The following RIC1 variants were observed in gnomAD, a reference collection of about 807,000 sequenced individuals.
The protein encoded by RIC1 is guanine nucleotide exchange factor subunit RIC1.
RIC1 carries 88 observed loss-of-function variants against 169.0 expected under a neutral mutation model. The observed-to-expected ratio is 0.52, with a 90% CI of 0.44 to 0.62. RIC1 has a LOEUF of 0.62. Among genes scored for constraint, RIC1 ranks in the 20% least tolerant of loss-of-function variants. The pLI, the probability that RIC1 is intolerant of heterozygous loss-of-function variation, is 0.00. For synonymous variants in RIC1, 790 were observed against 601.5 expected (o/e 1.31, Z -4.59); for missense variants, 1,877 against 1,725.5 (o/e 1.09, Z -1.56).
At chr9:5,695,630 T>TGGC (rs1379202956) in intron 3 of RIC1, among the ~76,000 whole-genome samples, 1 of 149,982 alleles carries the variant, frequency 6.7e-6, no homozygotes, top group African/African-American at 2.5e-5. Context: ...TGGAGTGCAG[T>TGGC]GGCGTGATCT....
intron 2 of RIC1, among the ~76,000 whole-genome samples, chr9:5,673,809 T>G (rs540680706): frequency 6.6e-6 from 1 of 152,102 alleles, no homozygotes; most frequent in Admixed American, 6.5e-5. Context: ...TTTATCAGTT[T>G]AAAAATTTAC....
chr9:5,768,934 G>T (rs1212117820), intron 21 of RIC1, 36 bp from the exon 22 acceptor site: 2 of 1,570,502 alleles, frequency 1.3e-6, no homozygotes, highest in African/African-American at 1.4e-5. Context: ...CTCCAGTAAA[G>T]ATTATTCTGT....
intron 1 of RIC1, among the ~76,000 whole-genome samples, chr9:5,631,184 C>G (rs1253409444): frequency 6.6e-6 from 1 of 152,150 alleles, no homozygotes. Context: ...GAGTTACATA[C>G]GACATCTAGA....
rs2131155343 is a variant in RIC1 at position 5,772,835 on chromosome 9, C to T, written c.3795-57C>T. 7 of 1,562,804 alleles carry T rather than the reference C, an allele frequency of 4.5e-6. No homozygotes were observed. In the South Asian group the frequency reaches 8.3e-5, roughly 19 times the overall value. On this transcript the variant is annotated intron_variant, in intron 24 of 25. Transcript: ENST00000414202. ...TACTCTCCTAATAATCATTGCACTT[C>T]TGTACATCTTATAGATCTTTCTTAG...
chr9:5,752,434 GTT>G (rs1220966798), intron 12 of RIC1, among the ~76,000 whole-genome samples: 4 of 149,308 alleles, frequency 2.7e-5, no homozygotes, highest in African/African-American at 7.4e-5. Context: ...AATTTCATAA[GTT>G]TTTTTTTGTT....
At position 5,742,903 on chromosome 9, in the gene RIC1, G is replaced by C; in HGVS notation, c.936G>C (p.Met312Ile). ...IWNKTGAVKL[M>I]RWSPDNSVVI... The stretch of plus-strand genomic sequence containing the variant: ...ATAAAACAGGAGCTGTTAAATTGAT[G>C]AGATGGTCTCCTGACAATAGTGTTG... Residue 312 changes from methionine to isoleucine, a missense_variant, in exon 9 of 26, where the codon ATG becomes ATC. By Grantham distance (10) the Met-to-Ile change is conservative. Coordinates refer to ENST00000414202, the MANE Select transcript of RIC1 (RefSeq NM_020829.4). 6.2e-7 allele frequency: 1 copy of C among 1,612,748 alleles called. No homozygotes were observed. The highest frequency in any genetic ancestry group is 8.5e-7 in the Non-Finnish European group (1 of 1,179,242).
At chr9:5,711,774 G>C (rs1463471099) in intron 3 of RIC1, among the ~76,000 whole-genome samples, 1 of 152,108 alleles carries the variant, frequency 6.6e-6, no homozygotes, top group African/African-American at 2.4e-5. Context: ...CCTTTCCTGT[G>C]TCCAAGTGTT....
intron 1 of RIC1, 35 bp downstream of exon 1, chr9:5,629,488 C>G (rs1440636386): frequency 1.3e-6 from 2 of 1,504,718 alleles, no homozygotes; most frequent in African/African-American, 2.8e-5. Context: ...TCGCCGCTGC[C>G]TCCCCGGCCT....
chr9:5,692,951 A>G (rs978709666), intron 3 of RIC1, among the ~76,000 whole-genome samples: 2 of 152,134 alleles, frequency 1.3e-5, no homozygotes, highest in Non-Finnish European at 1.5e-5. Flanking sequence ...TAACTCACCC[A>G]TAGTCACACG....
Position 5,765,691 on chromosome 9 carries a change from C to A in RIC1, c.3030C>A (p.Phe1010Leu). The A allele has an allele frequency of 6.2e-7, 1 of 1,614,162 alleles. No individual in the cohort carries two copies. The highest frequency in any genetic ancestry group is 1.3e-5 in the African/African-American group (1 of 75,036). Residue 1010 changes from phenylalanine (F) to leucine (L), a missense_variant, in exon 21 of 26, where the codon TTC (phenylalanine) becomes TTA (leucine). Phe to Leu is a conservative substitution (Grantham distance 22). Coordinates refer to ENST00000414202, the MANE Select transcript of RIC1 (RefSeq NM_020829.4). The part of the protein sequence containing the change: ...QEPSSSGGFE[F>L]FRNRSISLSQ... ...CCAGTTCAAGTGGTGGATTTGAGTT[C>A]TTCAGGAATCGAAGCATCAGTTTAT...
chr9:5,712,375 A>G (rs1822985332), intron 3 of RIC1, among the ~76,000 whole-genome samples: 1 of 152,202 alleles, frequency 6.6e-6, no homozygotes, highest in African/African-American at 2.4e-5. Flanking sequence ...TCTGCGCAGC[A>G]AAAGAAACTA....
intron 1 of RIC1, 112 bp downstream of exon 1, chr9:5,629,565 A>G (rs1254410982): frequency 8.5e-7 from 1 of 1,180,266 alleles, no homozygotes; most frequent in Admixed American, 3.5e-5. Context: ...TGCCAGACCC[A>G]CCTGCCTTCG....
chr9:5,675,966 C>T (rs1298849141), intron 2 of RIC1, among the ~76,000 whole-genome samples: 1 of 152,206 alleles, frequency 6.6e-6, no homozygotes, highest in Non-Finnish European at 1.5e-5. Context: ...TCTAATCTAA[C>T]CCCCATCTTG....
chr9:5,690,039 G>C lies in RIC1; in HGVS notation c.332+1G>C, dbSNP rs1821503030. 2 of 1,576,976 alleles carry C rather than the reference G, an allele frequency of 1.3e-6. No individual in the cohort carries two copies. The highest frequency in any genetic ancestry group is 1.7e-6 in the Non-Finnish European group (2 of 1,163,518). ...ACCTTTATGAACCAGTGTATCCCAAGTAAGTTTGTTGCCTTTCATTCTTTT... is the reference window on the plus strand; with the variant it reads ...ACCTTTATGAACCAGTGTATCCCAACTAAGTTTGTTGCCTTTCATTCTTTT... On this transcript the variant is annotated splice_donor_variant, in intron 3 of 25. Coordinates refer to ENST00000414202, the MANE Select transcript of RIC1 (RefSeq NM_020829.4). LOFTEE classifies it high-confidence loss of function.
intron 4 of RIC1, chr9:5,719,422 G>C (rs953097063): frequency 3.3e-5 from 5 of 152,150 alleles, no homozygotes; most frequent in East Asian, 1.9e-4. Context: ...AACTATTTTT[G>C]ATTTCTTGCC....
At chr9:5,666,835 A>T (rs1317929462) in intron 2 of RIC1, among the ~76,000 whole-genome samples, 1 of 151,982 alleles carries the variant, frequency 6.6e-6, no homozygotes, top group Non-Finnish European at 1.5e-5. Flanking sequence ...GTTTTGGTAG[A>T]TTGTATGTTT....
chr9:5,718,633 C>A (rs983714489), intron 4 of RIC1, among the ~76,000 whole-genome samples: 1 of 152,290 alleles, frequency 6.6e-6, no homozygotes, highest in African/African-American at 2.4e-5. Flanking sequence ...TACATATTTT[C>A]ATAGCATATA....
At chr9:5,778,052 A>G (rs1827677899), downstream of RIC1, among the ~76,000 whole-genome samples, 1 of 152,176 alleles carries the variant, frequency 6.6e-6, no homozygotes, top group African/African-American at 2.4e-5. Flanking sequence ...AAATGTGGAG[A>G]ATATTGCCAT....
intron 7 of RIC1, among the ~76,000 whole-genome samples, chr9:5,737,409 C>T (rs550892329): frequency 6.6e-6 from 1 of 152,124 alleles, no homozygotes; most frequent in Non-Finnish European, 1.5e-5. Flanking sequence ...ATCACCAGTG[C>T]TGATGAAGCC....
Sources: gnomAD v4.1 joint callset for allele counts (sites outside exome capture counted in the v4.1 genomes callset) on GRCh38, gnomAD v4.1.1 for gene constraint, MANE v1.5 for transcripts, NCBI Gene and HGNC (gene_info 2026-07-23, HGNC 2026-07-21) for gene names.